The following KAT6B variants were observed in gnomAD, a reference collection of about 807,000 sequenced individuals.
The protein encoded by KAT6B is histone acetyltransferase KAT6B.
Under a neutral mutation model 187.5 loss-of-function variants are expected in KAT6B, and 10 were observed. That is an observed-to-expected ratio of 0.05 (90% CI 0.03 to 0.09). The LOEUF (loss-of-function observed/expected upper bound fraction) is 0.09, where lower values mean the gene tolerates loss of function less well. Ranked by LOEUF, KAT6B falls within the 10% of genes least tolerant of loss-of-function variation. The pLI is 1.00. For synonymous variants in KAT6B, 861 were observed against 926.8 expected, an observed-to-expected ratio of 0.93 and a Z score of 1.29; for missense variants, 1,952 against 2,558.9, an observed-to-expected ratio of 0.76 and a Z score of 5.12.
rs1487370993 is a variant in KAT6B at position 75,022,143 on chromosome 10, A to T, written c.3284A>T (p.Glu1095Val). Residue 1095 changes from glutamate (E) to valine (V), a missense_variant, in exon 16 of 18, where the codon GAA becomes GTA. By Grantham distance (121) the Glu-to-Val change is moderately radical (BLOSUM62 -2). Transcript: ENST00000287239. ...GAGGAAGAGGATGAAGAGGAGGAAG[A>T]AGAGGAAGAAGAAGAAGAAGAAGAA... is the stretch of plus-strand genomic sequence containing the variant. ...EEEEEDEEEE[E>V]EEEEEEEEEN... 1 of 1,585,740 alleles carries T rather than the reference A, an allele frequency of 6.3e-7. No homozygotes were observed. Among genetic ancestry groups the T allele is most frequent in the Admixed American group, 1.7e-5 (1 of 58,652 alleles).
rs1269511553 is a variant in KAT6B, at chr10:74,977,377, G to A, written c.2055G>A (p.Lys685=). 2.5e-6 allele frequency: 4 copies of A among 1,613,950 alleles called. No homozygotes were observed. Among genetic ancestry groups the A allele is most frequent in the Non-Finnish European group, 2.5e-6 (3 of 1,179,858 alleles). Residue 685 remains lysine, a synonymous_variant, in exon 9 of 18, where the codon AAG becomes AAA. Transcript: ENST00000287239. ...ESADVNVIGN[K]DVVTEEDLDV... ...CAGATGTAAATGTGATTGGAAACAA[G>A]GATGTCGTTACTGAAGAGGATTTGG...
At chr10:74,830,776 T>A (rs1178870597) in intron 1 of KAT6B, among the ~76,000 whole-genome samples, 372 of 45,256 alleles carry the variant, frequency 8.2e-3, no homozygotes, top group African/African-American at 9.8e-3. Context: ...ATATTTTTTT[T>A]TTTTTTTTTT....
chr10:74,978,444 T>C (rs933908521), intron 9 of KAT6B, among the ~76,000 whole-genome samples: 13 of 152,172 alleles, frequency 8.5e-5, no homozygotes, highest in Non-Finnish European at 1.8e-4. Flanking sequence ...GGATGCCACC[T>C]CTTTTAAAAA....
chr10:74,903,336 G>T (rs1846533073), intron 3 of KAT6B, among the ~76,000 whole-genome samples: 1 of 152,180 alleles, frequency 6.6e-6, no homozygotes, highest in South Asian at 2.1e-4. Flanking sequence ...CTTGGCAGAG[G>T]GAGACTATCC....
At chr10:74,838,815 G>A (rs1470876519) in intron 2 of KAT6B, 63 bp downstream of exon 2, 1 of 152,126 alleles carries the variant, frequency 6.6e-6, no homozygotes, top group Non-Finnish European at 1.5e-5. Flanking sequence ...GAAATGTGTT[G>A]GTAATGGATA....
In KAT6B at chr10:75,025,100, T is replaced by A. The variant is rs1484949831; in HGVS notation, c.3515T>A (p.Leu1172Gln). The A allele has an allele frequency of 6.2e-7, 1 of 1,614,216 alleles. No individual in the cohort carries two copies. The highest frequency in any genetic ancestry group is 1.7e-5 in the Admixed American group (1 of 60,022). ...GATGAAGAGAGGCCAATGCCACAGC[T>A]GGAGCCTACCTGTGAGATTGAAGTG... ...NSDEERPMPQ[L>Q]EPTCEIEVEE... Residue 1172 changes from leucine (L) to glutamine (Q), a missense_variant, in exon 17 of 18, where the codon CTG (leucine) becomes CAG (glutamine). Coordinates refer to ENST00000287239, the MANE Select transcript of KAT6B (RefSeq NM_012330.4).
chr10:74,875,595 A>G (rs1844356343), intron 3 of KAT6B, among the ~76,000 whole-genome samples: 1 of 151,224 alleles, frequency 6.6e-6, no homozygotes. Flanking sequence ...CCACCCAAGT[A>G]GCTGGGATTA....
intron 3 of KAT6B, among the ~76,000 whole-genome samples, chr10:74,861,457 T>C (rs1190916054): frequency 6.6e-6 from 1 of 152,234 alleles, no homozygotes; most frequent in Non-Finnish European, 1.5e-5. Context: ...CAGGCACTAC[T>C]TCAAGTGCTT....
At chr10:74,980,872 T>C (rs1842467174) in intron 10 of KAT6B, among the ~76,000 whole-genome samples, 1 of 152,266 alleles carries the variant, frequency 6.6e-6, no homozygotes, top group Admixed American at 6.5e-5. Context: ...TCAGCCGTGC[T>C]ATTTACTGCA....
chr10:74,870,167 G>A (rs990160136), intron 3 of KAT6B, among the ~76,000 whole-genome samples: 2 of 151,938 alleles, frequency 1.3e-5, no homozygotes, highest in Non-Finnish European at 2.9e-5. Context: ...TAGTCCCAGC[G>A]ACTTGGGGGT....
chr10:74,919,674 A>G (rs1308217279), intron 3 of KAT6B, among the ~76,000 whole-genome samples: 1 of 152,184 alleles, frequency 6.6e-6, no homozygotes, highest in Admixed American at 6.5e-5. Context: ...AAGTGCTGGG[A>G]TTAACAGGCA....
At chr10:75,014,290 C>T (rs987402569) in intron 13 of KAT6B, among the ~76,000 whole-genome samples, 24 of 152,038 alleles carry the variant, frequency 1.6e-4, no homozygotes, top group Non-Finnish European at 2.6e-4. Flanking sequence ...GCCTGGGCAA[C>T]ATAGGGAGAC....
At chr10:74,908,219 C>T (rs1846918482) in intron 3 of KAT6B, among the ~76,000 whole-genome samples, 1 of 152,168 alleles carries the variant, frequency 6.6e-6, no homozygotes, top group South Asian at 2.1e-4. Context: ...AAGGTCCCAC[C>T]AGATGTGAGG....
intron 3 of KAT6B, among the ~76,000 whole-genome samples, chr10:74,947,381 TC>T (rs1184667772): frequency 6.6e-6 from 1 of 152,180 alleles, no homozygotes; most frequent in Non-Finnish European, 1.5e-5. Flanking sequence ...AATGTGTATT[TC>T]CCCCCATAAC....
At chr10:74,885,444 G>T (rs1433938924) in intron 3 of KAT6B, among the ~76,000 whole-genome samples, 1 of 152,102 alleles carries the variant, frequency 6.6e-6, no homozygotes, top group African/African-American at 2.4e-5. Context: ...GTTGAGGCTG[G>T]TTAAATCTGA....
intron 3 of KAT6B, among the ~76,000 whole-genome samples, chr10:74,901,127 A>G (rs996897938): frequency 7.9e-5 from 12 of 152,206 alleles, no homozygotes; most frequent in Admixed American, 2.6e-4. Context: ...GGATGTGACA[A>G]CCCTCCATTT....
At chr10:75,022,645 C>A (rs1420453753) in intron 16 of KAT6B, among the ~76,000 whole-genome samples, 1 of 152,194 alleles carries the variant, frequency 6.6e-6, no homozygotes, top group Non-Finnish European at 1.5e-5. Context: ...AGACTCTAAG[C>A]CTGGGTTGGG....
chr10:74,881,574 A>C lies in KAT6B; in HGVS notation c.621+38096A>C, dbSNP rs551034000. 2.0e-5 allele frequency among the ~76,000 whole-genome samples: 3 copies of C among 152,336 alleles called. No individual in the cohort carries two copies. The East Asian group carries it at 5.8e-4, about 29-fold the overall frequency. ...TACTTTTTGAGTGATTATACTGAAAACAATTGCATGTTGTCTCATGCAGAA... is the reference window on the plus strand; with the variant it reads ...TACTTTTTGAGTGATTATACTGAAACCAATTGCATGTTGTCTCATGCAGAA... On this transcript the variant is annotated intron_variant, in intron 3 of 17. Coordinates refer to ENST00000287239, the MANE Select transcript of KAT6B (RefSeq NM_012330.4).
At chr10:74,855,682 G>A (rs561677978) in intron 3 of KAT6B, among the ~76,000 whole-genome samples, 3 of 152,148 alleles carry the variant, frequency 2.0e-5, no homozygotes, top group Non-Finnish European at 4.4e-5. Context: ...CCTGGGAAAG[G>A]CAGGCATGGA....
Sources: allele counts gnomAD v4.1 joint callset (sites outside exome capture counted in the v4.1 genomes callset), GRCh38; gene constraint gnomAD v4.1.1; transcripts MANE v1.5; gene names NCBI Gene and HGNC (gene_info 2026-07-23, HGNC 2026-07-21).